GFRAL: variants seen among roughly 807,000 people sequenced by gnomAD.
The protein encoded by GFRAL is GDNF family receptor alpha-like.
In GFRAL, 36 loss-of-function variants were observed where a neutral mutation model predicts 45.4. That is an observed-to-expected ratio of 0.79 (90% CI 0.61 to 1.05). GFRAL has a LOEUF of 1.05. GFRAL is among the 50% of genes least tolerant of loss of function. GFRAL has a pLI of 0.00. For synonymous variants in GFRAL, 166 were observed against 154.1 expected, an observed-to-expected ratio of 1.08 and a Z score of -0.57; for missense variants, 507 against 467.5, an observed-to-expected ratio of 1.08 and a Z score of -0.78.
chr6:55,335,651 C>T (rs894126089), intron 3 of GFRAL, among the ~76,000 whole-genome samples: 3 of 152,054 alleles, frequency 2.0e-5, no homozygotes, highest in African/African-American at 4.8e-5. Flanking sequence ...TTCTTCCCTG[C>T]AAATATCTAA....
intron 6 of GFRAL, among the ~76,000 whole-genome samples, chr6:55,364,685 A>T (rs562381886): frequency 6.1e-4 from 92 of 151,370 alleles, no homozygotes; most frequent in African/African-American, 1.2e-3. Context: ...GCACCATTTA[A>T]TAAATAGGGA....
rs549243696 is a variant in GFRAL, at chr6:55,367,354, T to C, written c.952+8216T>C. Among the ~76,000 whole-genome samples, 8 of 143,094 alleles carry C rather than the reference T, an allele frequency of 5.6e-5. No individual in the cohort carries two copies. In the East Asian group the frequency reaches 5.8e-4, roughly 10 times the overall value. 93.9% of individuals were successfully genotyped at this position (143,094 alleles called of 152,430 possible). A position where few individuals can be genotyped will look rare whatever the true frequency, so the allele number is the denominator to read the frequency against. Reference sequence around the variant, plus strand: ...GGGTGTCTCTGCACGTGAGATGGGTTTCCTGAATACAGCACGCTGATGGGT... The same window carrying C: ...GGGTGTCTCTGCACGTGAGATGGGTCTCCTGAATACAGCACGCTGATGGGT... On this transcript the variant is annotated intron_variant, in intron 6 of 8. Transcript: ENST00000340465.
intron 6 of GFRAL, among the ~76,000 whole-genome samples, chr6:55,386,843 G>T (rs568468938): frequency 1.3e-5 from 2 of 152,130 alleles, no homozygotes; most frequent in East Asian, 3.9e-4. Context: ...TTTAAATTTT[G>T]TCTGCAGACC....
Position 55,331,763 on chromosome 6 carries a change from G to A in GFRAL, c.71G>A (p.Cys24Tyr). Residue 24 changes from cysteine (C) to tyrosine (Y), a missense_variant, in exon 2 of 9, where the codon TGC (cysteine) becomes TAC (tyrosine). Cys to Tyr is a radical substitution (Grantham distance 194). Coordinates refer to ENST00000340465, the MANE Select transcript of GFRAL (RefSeq NM_207410.2). Reference sequence around the variant, plus strand: ...GAATACACTTCCCAAACCAATAATTGCACATATTTAAGAGAGCAATGCTTA... The same window carrying A: ...GAATACACTTCCCAAACCAATAATTACACATATTTAAGAGAGCAATGCTTA... Reference protein sequence around the residue: ...ENEYTSQTNNCTYLREQCLRD... With the variant: ...ENEYTSQTNNYTYLREQCLRD... 1.2e-6 allele frequency: 2 copies of A among 1,611,190 alleles called. No homozygotes were observed. The highest frequency in any genetic ancestry group is 1.7e-6 in the Non-Finnish European group (2 of 1,178,716).
intron 6 of GFRAL, among the ~76,000 whole-genome samples, chr6:55,382,900 T>C (rs1371477786): frequency 6.6e-6 from 1 of 151,980 alleles, no homozygotes; most frequent in Non-Finnish European, 1.5e-5. Flanking sequence ...CAGTAAATAC[T>C]ACTTTTTATC....
At chr6:55,390,012 C>T (rs1451169171) in intron 6 of GFRAL, among the ~76,000 whole-genome samples, 1 of 152,206 alleles carries the variant, frequency 6.6e-6, no homozygotes, top group Non-Finnish European at 1.5e-5. Context: ...GGAGTGACTG[C>T]AATTAATGCA....
At chr6:55,392,884 A>G (rs1009871242) in intron 6 of GFRAL, among the ~76,000 whole-genome samples, 1 of 152,186 alleles carries the variant, frequency 6.6e-6, no homozygotes, top group Non-Finnish European at 1.5e-5. Flanking sequence ...AAATTAAACA[A>G]AATAGAATAA....
chr6:55,368,137 A>G (rs543550562), intron 6 of GFRAL, among the ~76,000 whole-genome samples: 1 of 149,674 alleles, frequency 6.7e-6, no homozygotes, highest in Non-Finnish European at 1.5e-5. Context: ...GGCTTTGCTC[A>G]TTTCTTTTTA....
chr6:55,369,930 T>G (rs1247636237), intron 6 of GFRAL, among the ~76,000 whole-genome samples: 1 of 152,174 alleles, frequency 6.6e-6, no homozygotes, highest in Non-Finnish European at 1.5e-5. Flanking sequence ...CTCATTGATC[T>G]GCATACCTCC....
rs560492839 is a variant in GFRAL, at chr6:55,375,847, A to G, written c.952+16709A>G. ...CTCTTTTCCTATCTGAATACCCTTT[A>G]TTTCGTTCCCTTGCCTGATTTCCCT... On this transcript the variant is annotated intron_variant, in intron 6 of 8. Transcript: ENST00000340465. Among the ~76,000 whole-genome samples, 4 of 152,162 alleles carry G rather than the reference A, an allele frequency of 2.6e-5. No individual in the cohort carries two copies. In the East Asian group the frequency reaches 7.7e-4, roughly 29 times the overall value.
At chr6:55,395,048 T>C (rs1193384916) in intron 6 of GFRAL, among the ~76,000 whole-genome samples, 1 of 151,662 alleles carries the variant, frequency 6.6e-6, no homozygotes, top group Non-Finnish European at 1.5e-5. Flanking sequence ...CAGTAACATA[T>C]AAAACTTTCT....
Position 55,351,397 on chromosome 6 carries a change from G to A in GFRAL, c.515G>A (p.Arg172Gln), listed in dbSNP as rs774631165. The A allele has an allele frequency of 1.2e-5, 20 of 1,613,628 alleles. No homozygotes were observed. In the South Asian group the frequency reaches 1.8e-4, roughly 14 times the overall value. Residue 172 changes from arginine to glutamine, a missense_variant, in exon 5 of 9, where the codon CGG (arginine) becomes CAG (glutamine). By Grantham distance (43) the Arg-to-Gln change is conservative (BLOSUM62 1). Coordinates refer to ENST00000340465, the MANE Select transcript of GFRAL (RefSeq NM_207410.2). ...CDLKQCQAAI[R>Q]FFYQNIPFNI... The stretch of plus-strand genomic sequence containing the variant: ...CTGAAACAGTGCCAAGCAGCCATAC[G>A]GTTCTTCTATCAAAATATACCTTTT...
intron 5 of GFRAL, among the ~76,000 whole-genome samples, chr6:55,357,168 C>A (rs1768206582): frequency 6.6e-6 from 1 of 151,850 alleles, no homozygotes; most frequent in Admixed American, 6.6e-5. Context: ...TATTCTTCAG[C>A]TATTGTATGA....
At position 55,373,012 on chromosome 6, in the gene GFRAL, G is replaced by A. The variant is rs563426443; in HGVS notation, c.952+13874G>A. Among the ~76,000 whole-genome samples the A allele has an allele frequency of 3.3e-5, 5 of 150,316 alleles. No homozygotes were observed. The East Asian group carries it at 7.9e-4, about 24-fold the overall frequency. ...ACAGGAAACCCACTGCCATCTTCCC[G>A]ACACAGACACCAAACACTAACACAC... On this transcript the variant is annotated intron_variant, in intron 6 of 8. Transcript: ENST00000340465.
chr6:55,372,631 G>A (rs1581753512), intron 6 of GFRAL, among the ~76,000 whole-genome samples: 1 of 152,186 alleles, frequency 6.6e-6, no homozygotes, highest in South Asian at 2.1e-4. Context: ...TCATAAAGGA[G>A]CATTTTATGG....
At chr6:55,392,496 T>C (rs954777488) in intron 6 of GFRAL, among the ~76,000 whole-genome samples, 1 of 152,240 alleles carries the variant, frequency 6.6e-6, no homozygotes. Flanking sequence ...GTCTCCTGAA[T>C]AGACAGCAGA....
At chr6:55,383,622 T>C (rs1290481454) in intron 6 of GFRAL, among the ~76,000 whole-genome samples, 1 of 152,062 alleles carries the variant, frequency 6.6e-6, no homozygotes, top group African/African-American at 2.4e-5. Context: ...GTGTACATTC[T>C]CTGATATTTG....
At chr6:55,358,033 C>T (rs9464231) in intron 5 of GFRAL, among the ~76,000 whole-genome samples, 24,730 of 151,528 alleles carry the variant, frequency 0.16, 2,331 homozygotes, top group African/African-American at 0.25. Flanking sequence ...ATTTAATATA[C>T]ATGAATTAAT....
chr6:55,370,363 T>C (rs1768434927), intron 6 of GFRAL, among the ~76,000 whole-genome samples: 1 of 152,170 alleles, frequency 6.6e-6, no homozygotes. Context: ...TAGTTTTTCA[T>C]GTTTTGAGCA....
Sources: allele counts gnomAD v4.1 joint callset (sites outside exome capture counted in the v4.1 genomes callset), GRCh38; gene constraint gnomAD v4.1.1; transcripts MANE v1.5; gene names NCBI Gene and HGNC (gene_info 2026-07-23, HGNC 2026-07-21).